Variants in SOX5 observed in about 807,000 individuals in gnomAD.
SOX5 encodes transcription factor SOX-5.
A neutral mutation model predicts 92.0 loss-of-function variants in SOX5; 9 were observed. The ratio of observed to expected loss-of-function variants is 0.10; its 90% CI spans 0.06 to 0.17. The LOEUF (loss-of-function observed/expected upper bound fraction) is 0.17. SOX5 is among the 10% of genes least tolerant of loss of function. The pLI is 1.00. For missense variants in SOX5, 642 were observed against 944.5 expected, an observed-to-expected ratio of 0.68 and a Z score of 4.20; for synonymous variants, 344 against 336.3, an observed-to-expected ratio of 1.02 and a Z score of -0.25.
intron 1 of SOX5, among the ~76,000 whole-genome samples, chr12:23,943,356 A>T (rs543925296): frequency 6.6e-6 from 1 of 152,082 alleles, no homozygotes; most frequent in African/African-American, 2.4e-5. Flanking sequence ...CATTTCATTT[A>T]AGTCAAAACA....
intron 4 of SOX5, among the ~76,000 whole-genome samples, chr12:24,154,051 C>A (rs1951919970): frequency 6.6e-6 from 1 of 152,094 alleles, no homozygotes; most frequent in Admixed American, 6.6e-5. Flanking sequence ...AGCGTCAGCA[C>A]CACCTCCAAT....
At chr12:24,409,399 C>T (rs955362911) in intron 1 of SOX5, among the ~76,000 whole-genome samples, 35 of 152,102 alleles carry the variant, frequency 2.3e-4, no homozygotes, top group African/African-American at 8.0e-4. Flanking sequence ...ACCACCACGG[C>T]ACACATATAC....
intron 3 of SOX5, among the ~76,000 whole-genome samples, chr12:23,767,003 C>G (rs1446044574): frequency 6.6e-6 from 1 of 152,052 alleles, no homozygotes; most frequent in Non-Finnish European, 1.5e-5. Context: ...CTCTTGAACC[C>G]AGAAGTTAAT....
At chr12:23,918,839 C>T (rs2097447777) in intron 1 of SOX5, among the ~76,000 whole-genome samples, 1 of 139,612 alleles carries the variant, frequency 7.2e-6, no homozygotes, top group Non-Finnish European at 1.6e-5. Flanking sequence ...ATCACTGGAA[C>T]CCGGGAGGTG....
intron 9 of SOX5, among the ~76,000 whole-genome samples, chr12:23,584,321 C>A (rs1260871507): frequency 6.6e-6 from 1 of 152,064 alleles, no homozygotes; most frequent in East Asian, 1.9e-4. Flanking sequence ...TTGAAGGACT[C>A]CCAGAGGGCT....
chr12:24,059,489 C>T (rs989335919), intron 4 of SOX5, among the ~76,000 whole-genome samples: 3 of 152,166 alleles, frequency 2.0e-5, no homozygotes, highest in Non-Finnish European at 4.4e-5. Flanking sequence ...ATTCTATTCT[C>T]ACCATGCTGC....
Position 24,323,309 on chromosome 12 carries a change from GTA to G in SOX5, c.-174+45252_-174+45253del, listed in dbSNP as rs200845678. 3.0e-3 allele frequency among the ~76,000 whole-genome samples: 449 copies of G among 149,180 alleles called. 1 individual carries two copies. The highest frequency in any genetic ancestry group is 7.7e-3 in the African/African-American group (316 of 40,804). ...GGTATGTAGCTGATTATATATATAT[GTA>G]TATATATATATGCACATATATAACA... is the stretch of plus-strand genomic sequence containing the variant. On this transcript the variant is annotated intron_variant, in intron 2 of 4. Coordinates refer to the SOX5 transcript ENST00000446891.
At chr12:24,113,554 T>A (rs1767057510) in intron 4 of SOX5, among the ~76,000 whole-genome samples, 2 of 152,152 alleles carry the variant, frequency 1.3e-5, no homozygotes, top group Admixed American at 6.5e-5. Flanking sequence ...GGCTTCTGGT[T>A]TAAGATTATA....
At chr12:23,761,246 T>C (rs1249875074) in intron 3 of SOX5, among the ~76,000 whole-genome samples, 2 of 152,104 alleles carry the variant, frequency 1.3e-5, no homozygotes, top group Non-Finnish European at 2.9e-5. Flanking sequence ...TAAAAGCAAT[T>C]GAGGAAAACA....
chr12:23,660,539 T>C (rs939468496), intron 7 of SOX5, among the ~76,000 whole-genome samples: 6 of 152,170 alleles, frequency 3.9e-5, no homozygotes, highest in Non-Finnish European at 5.9e-5. Flanking sequence ...AAACCAAATA[T>C]TGAATGCTTG....
chr12:24,530,671 T>C lies in SOX5; in HGVS notation c.-251+31658A>G, dbSNP rs188128060. Among the ~76,000 whole-genome samples the C allele has an allele frequency of 1.9e-4, 28 of 150,864 alleles. 1 individual carries two copies. The East Asian group carries it at 5.5e-3, about 29-fold the overall frequency. ...CTGAAAAAAAAAAACACCCTAGTTT[T>C]CATTGCCTTCTCTACTCGTATCTAA... On this transcript the variant is annotated intron_variant, in intron 1 of 4. Transcript: ENST00000446891.
rs534756766 is a variant in SOX5 at position 23,725,505 on chromosome 12, C to A, written c.810+9179G>T. Among the ~76,000 whole-genome samples, 11 of 152,224 alleles carry A rather than the reference C, an allele frequency of 7.2e-5. No homozygotes were observed. In the East Asian group the frequency reaches 2.1e-3, roughly 29 times the overall value. ...TGATTCAATGACCTCCCACTGGGTCCCTCCTATGACATGTGGGAATTATGG... is the reference window on the plus strand; with the variant it reads ...TGATTCAATGACCTCCCACTGGGTCACTCCTATGACATGTGGGAATTATGG... On this transcript the variant is annotated intron_variant, in intron 6 of 14. Transcript: ENST00000451604.
chr12:23,593,346 C>G (rs960935846), intron 9 of SOX5, among the ~76,000 whole-genome samples: 2 of 152,000 alleles, frequency 1.3e-5, no homozygotes, highest in African/African-American at 4.8e-5. Context: ...TTTTAAAAAC[C>G]ATAATTAAGA....
At chr12:24,054,205 C>T (rs78845864) in intron 4 of SOX5, among the ~76,000 whole-genome samples, 7 of 152,290 alleles carry the variant, frequency 4.6e-5, no homozygotes, top group Admixed American at 2.6e-4. Flanking sequence ...GAAATCTTAA[C>T]GAGGACACAA....
chr12:24,100,079 A>G (rs576765524), intron 4 of SOX5, among the ~76,000 whole-genome samples: 1 of 152,278 alleles, frequency 6.6e-6, no homozygotes, highest in South Asian at 2.1e-4. Flanking sequence ...CCTTTAAAAT[A>G]CTTCTCTAGT....
intron 1 of SOX5, among the ~76,000 whole-genome samples, chr12:24,536,015 A>G (rs1386422930): frequency 6.6e-6 from 1 of 152,126 alleles, no homozygotes; most frequent in East Asian, 1.9e-4. Context: ...TTTGATTCAA[A>G]CCTAAATTAG....
At chr12:24,427,620 A>C (rs1419399351) in intron 1 of SOX5, among the ~76,000 whole-genome samples, 1 of 152,172 alleles carries the variant, frequency 6.6e-6, no homozygotes, top group African/African-American at 2.4e-5. Flanking sequence ...CTGCCATTCT[A>C]TTTACAGCAT....
chr12:24,145,133 GA>G (rs1950947009), intron 4 of SOX5, among the ~76,000 whole-genome samples: 1 of 151,752 alleles, frequency 6.6e-6, no homozygotes, highest in African/African-American at 2.4e-5. Context: ...AAAAAGGGAG[GA>G]ATATGATAAT....
At chr12:24,297,515 C>T (rs1947408140) in intron 2 of SOX5, among the ~76,000 whole-genome samples, 1 of 152,196 alleles carries the variant, frequency 6.6e-6, no homozygotes, top group South Asian at 2.1e-4. Context: ...AGGTAAAATT[C>T]CCACTCTCTT....
Sources: allele counts gnomAD v4.1 joint callset (sites outside exome capture counted in the v4.1 genomes callset), GRCh38; gene constraint gnomAD v4.1.1; transcripts MANE v1.5; gene names NCBI Gene and HGNC (gene_info 2026-07-23, HGNC 2026-07-21).